Variants in NCAM1 observed in about 807,000 individuals in gnomAD.
The protein encoded by NCAM1 is antigen recognized by monoclonal antibody 5.1H11.
A neutral mutation model predicts 109.8 loss-of-function variants in NCAM1; 14 were observed. That is an observed-to-expected ratio of 0.13 (90% CI 0.08 to 0.20). NCAM1 has a LOEUF of 0.20. Among genes scored for constraint, NCAM1 ranks in the 10% least tolerant of loss-of-function variants. NCAM1 has a pLI of 1.00. For synonymous variants in NCAM1, 418 were observed against 442.9 expected (o/e 0.94, Z 0.70); for missense variants, 774 against 1,109.9 (o/e 0.70, Z 4.30).
In NCAM1 at chr11:113,013,316, C is replaced by T. The variant is rs150681235; in HGVS notation, c.52+51652C>T. 8.8e-3 allele frequency among the ~76,000 whole-genome samples: 1,340 copies of T among 151,418 alleles called. 18 individuals are homozygous for T. Among genetic ancestry groups the T allele is most frequent in the African/African-American group, 0.031 (1,259 of 41,244 alleles). On this transcript the variant is annotated intron_variant, in intron 1 of 19. Transcript: ENST00000316851. Reference sequence around the variant, plus strand: ...TGGCGCGTGCCTATAATCCCAGCTACCCGGGAGGCTGAGCTGGGAGAATCC... The same window carrying T: ...TGGCGCGTGCCTATAATCCCAGCTATCCGGGAGGCTGAGCTGGGAGAATCC...
At chr11:113,250,035 C>A (rs891774524) in intron 15 of NCAM1, among the ~76,000 whole-genome samples, 1 of 152,174 alleles carries the variant, frequency 6.6e-6, no homozygotes, top group East Asian at 1.9e-4. Context: ...CTCCCTGGAG[C>A]TAGGAACTAG....
At chr11:113,101,146 C>T (rs1183732506) in intron 1 of NCAM1, among the ~76,000 whole-genome samples, 1 of 152,138 alleles carries the variant, frequency 6.6e-6, no homozygotes, top group Non-Finnish European at 1.5e-5. Flanking sequence ...CCCTGGTTTG[C>T]CTTTGACCTG....
At chr11:112,971,475 A>G (rs1950881010) in intron 1 of NCAM1, among the ~76,000 whole-genome samples, 1 of 152,106 alleles carries the variant, frequency 6.6e-6, no homozygotes, top group Non-Finnish European at 1.5e-5. Context: ...CAGCAAAGTT[A>G]CGTATTGAGC....
chr11:113,116,865 G>A (rs1230073287), intron 1 of NCAM1, among the ~76,000 whole-genome samples: 1 of 151,856 alleles, frequency 6.6e-6, no homozygotes, highest in Non-Finnish European at 1.5e-5. Flanking sequence ...TATTATGACT[G>A]TAACCTTTTT....
At chr11:112,982,415 G>A (rs1255048211) in intron 1 of NCAM1, among the ~76,000 whole-genome samples, 2 of 151,962 alleles carry the variant, frequency 1.3e-5, no homozygotes, top group Non-Finnish European at 1.5e-5. Flanking sequence ...GAAGTAAGGA[G>A]GTCATTGGAA....
At chr11:113,177,721 A>C (rs1943207826) in intron 1 of NCAM1, among the ~76,000 whole-genome samples, 1 of 152,152 alleles carries the variant, frequency 6.6e-6, no homozygotes, top group Non-Finnish European at 1.5e-5. Flanking sequence ...GGCATGAGGC[A>C]CCGCACCTGG....
chr11:113,205,092 C>G (rs1188733407), intron 3 of NCAM1, among the ~76,000 whole-genome samples: 1 of 152,102 alleles, frequency 6.6e-6, no homozygotes, highest in Non-Finnish European at 1.5e-5. Flanking sequence ...ATTCTGTCTG[C>G]CGTAGGAAAG....
chr11:113,031,023 C>A (rs1251758845), intron 1 of NCAM1, among the ~76,000 whole-genome samples: 1 of 152,158 alleles, frequency 6.6e-6, no homozygotes, highest in Non-Finnish European at 1.5e-5. Context: ...ACACAGTCAC[C>A]ACAAACACTG....
At chr11:113,154,922 G>T (rs1205575044) in intron 1 of NCAM1, among the ~76,000 whole-genome samples, 5 of 152,148 alleles carry the variant, frequency 3.3e-5, no homozygotes, top group Admixed American at 3.3e-4. Context: ...GACACTTAGG[G>T]CTGGGGATTT....
chr11:113,039,024 G>A (rs1486725474), intron 1 of NCAM1, among the ~76,000 whole-genome samples: 1 of 152,082 alleles, frequency 6.6e-6, no homozygotes, highest in East Asian at 1.9e-4. Context: ...CTACTTATAC[G>A]ACATAGATTT....
intron 1 of NCAM1, among the ~76,000 whole-genome samples, chr11:113,198,118 G>A (rs544456041): frequency 6.6e-6 from 1 of 152,242 alleles, no homozygotes; most frequent in South Asian, 2.1e-4. Flanking sequence ...GTGGGGAGAG[G>A]GAGATTGTTT....
chr11:113,147,165 A>T (rs1446289648), intron 1 of NCAM1, among the ~76,000 whole-genome samples: 5 of 152,232 alleles, frequency 3.3e-5, no homozygotes, highest in Non-Finnish European at 7.3e-5. Flanking sequence ...AATTCGGTTT[A>T]TCTGTTCCTA....
chr11:113,142,708 T>C (rs888940548), intron 1 of NCAM1, among the ~76,000 whole-genome samples: 10 of 152,148 alleles, frequency 6.6e-5, no homozygotes, highest in African/African-American at 2.4e-4. Context: ...ACAGAGCTGT[T>C]TTCTCTGCCA....
At chr11:113,113,129 G>A (rs1484828384) in intron 1 of NCAM1, among the ~76,000 whole-genome samples, 2 of 152,184 alleles carry the variant, frequency 1.3e-5, no homozygotes, top group African/African-American at 2.4e-5. Context: ...CCAAGACTCC[G>A]TCTCAAAAAA....
chr11:113,275,478 G>C lies in NCAM1; in HGVS notation c.*91G>C. The stretch of plus-strand genomic sequence containing the variant: ...CAACACCACAGACACACACACGCAC[G>C]CACACACACAAACACACATGCACAC... On this transcript the variant is annotated 3_prime_UTR_variant, in exon 20 of 20. Transcript: ENST00000316851. The C allele has an allele frequency of 6.9e-7, 1 of 1,448,520 alleles. No homozygotes were observed. The allele number at this position is 1,448,520 out of a possible 1,614,324, so 89.7% of individuals were successfully genotyped here.
At chr11:113,037,602 T>A (rs1350220551) in intron 1 of NCAM1, among the ~76,000 whole-genome samples, 2 of 152,208 alleles carry the variant, frequency 1.3e-5, no homozygotes, top group Non-Finnish European at 2.9e-5. Flanking sequence ...TGGATTGAAT[T>A]GTTTAGTGTT....
chr11:113,182,559 T>C (rs1555108161), intron 1 of NCAM1, among the ~76,000 whole-genome samples: 1 of 152,186 alleles, frequency 6.6e-6, no homozygotes, highest in Non-Finnish European at 1.5e-5. Context: ...ATTGCCACTC[T>C]ATGATGCAGA....
At chr11:113,162,831 C>T (rs1257512352) in intron 1 of NCAM1, among the ~76,000 whole-genome samples, 3 of 152,136 alleles carry the variant, frequency 2.0e-5, no homozygotes, top group East Asian at 1.9e-4. Flanking sequence ...CGATTCAACA[C>T]GCCACCCTAG....
At chr11:113,179,126 G>A (rs975117768) in intron 1 of NCAM1, among the ~76,000 whole-genome samples, 5 of 152,262 alleles carry the variant, frequency 3.3e-5, no homozygotes, top group South Asian at 2.1e-4. Context: ...TACAAATCAG[G>A]ACTCCCCCAC....
Sources: allele counts gnomAD v4.1 joint callset (sites outside exome capture counted in the v4.1 genomes callset), GRCh38; gene constraint gnomAD v4.1.1; transcripts MANE v1.5; gene names NCBI Gene and HGNC (gene_info 2026-07-23, HGNC 2026-07-21).